Variants in FAM151B observed in about 807,000 individuals in gnomAD.
FAM151B encodes family with sequence similarity 151 member B.
Under a neutral mutation model 31.2 loss-of-function variants are expected in FAM151B, and 24 were observed. The ratio of observed to expected loss-of-function variants is 0.77; its 90% confidence interval spans 0.56 to 1.08. The LOEUF is 1.08. Among genes scored for constraint, FAM151B ranks in the 50% least tolerant of loss-of-function variants. The pLI is 0.00. For missense variants in FAM151B, 293 were observed against 328.6 expected (o/e 0.89, Z 0.84); for synonymous variants, 105 against 111.4 (o/e 0.94, Z 0.36).
intron 4 of FAM151B, among the ~76,000 whole-genome samples, chr5:80,520,804 T>C (rs1262749363): frequency 6.7e-6 from 1 of 149,014 alleles, no homozygotes; most frequent in Admixed American, 6.7e-5. Flanking sequence ...CAAGTGTGTT[T>C]TCCATGTGGT....
chr5:80,529,320 TAAAAG>T (rs1745117468), intron 5 of FAM151B, among the ~76,000 whole-genome samples: 1 of 151,930 alleles, frequency 6.6e-6, no homozygotes. Context: ...ACATCACAAT[TAAAAG>T]AACTAGAGAA....
intron 2 of FAM151B, among the ~76,000 whole-genome samples, chr5:80,504,437 A>T (rs1201727129): frequency 6.8e-6 from 1 of 147,512 alleles, no homozygotes; most frequent in Non-Finnish European, 1.5e-5. Flanking sequence ...GGGCCCAGAG[A>T]CTCCTCAACT....
intron 1 of FAM151B, 151 bp downstream of exon 1, chr5:80,488,299 C>T (rs2112589628): frequency 9.6e-7 from 1 of 1,036,538 alleles, no homozygotes; most frequent in East Asian, 3.0e-5. Flanking sequence ...TTGGAGCCCG[C>T]TCTGCACTCG....
intron 3 of FAM151B, among the ~76,000 whole-genome samples, chr5:80,514,229 C>G (rs964270434): frequency 5.0e-4 from 76 of 152,154 alleles, no homozygotes; most frequent in African/African-American, 1.6e-3. Flanking sequence ...AATTCCAGCA[C>G]TTTGGGAGGC....
At chr5:80,502,561 G>T (rs1438466213) in intron 2 of FAM151B, among the ~76,000 whole-genome samples, 1 of 152,158 alleles carries the variant, frequency 6.6e-6, no homozygotes, top group Admixed American at 6.5e-5. Context: ...ATCATTGTAT[G>T]TATATCCCTT....
intron 1 of FAM151B, among the ~76,000 whole-genome samples, chr5:80,496,667 A>C (rs1004576512): frequency 3.9e-5 from 6 of 152,164 alleles, no homozygotes. Flanking sequence ...TAACAGACAT[A>C]CCACACTAAT....
chr5:80,494,013 T>C (rs1002108650), intron 1 of FAM151B, among the ~76,000 whole-genome samples: 1 of 152,136 alleles, frequency 6.6e-6, no homozygotes, highest in Non-Finnish European at 1.5e-5. Flanking sequence ...AGCTGTAAAA[T>C]TTCTCTCTTT....
intron 1 of FAM151B, among the ~76,000 whole-genome samples, chr5:80,491,294 C>T (rs182910972): frequency 0.012 from 1,786 of 152,180 alleles, 26 homozygotes; most frequent in South Asian, 0.034. Context: ...TGGCTCACTG[C>T]AGCCTTGACC....
intron 1 of FAM151B, chr5:80,500,847 TTTGA>T (rs768966641): frequency 8.9e-6 from 10 of 1,127,650 alleles, no homozygotes; most frequent in Admixed American, 1.7e-5. Flanking sequence ...CAGATAACAC[TTTGA>T]TTGTTCCATC....
chr5:80,539,531 G>A (rs1332691855), intron 5 of FAM151B, among the ~76,000 whole-genome samples: 3 of 151,984 alleles, frequency 2.0e-5, no homozygotes, highest in Middle Eastern at 3.4e-3. Context: ...TTACTCTGTA[G>A]CCCAAGCTGG....
chr5:80,498,653 A>G (rs1407678706), intron 1 of FAM151B: 1 of 697,588 alleles, frequency 1.4e-6, no homozygotes, highest in East Asian at 2.8e-5. Flanking sequence ...AAAGGTGTCT[A>G]ATTTTGCCAT....
chr5:80,538,483 T>TTTG (rs1745684137), intron 5 of FAM151B, among the ~76,000 whole-genome samples: 1 of 101,022 alleles, frequency 9.9e-6, no homozygotes, highest in African/African-American at 4.1e-5. Context: ...TCTTTCTTTC[T>TTTG]TTCCTTCCTT....
chr5:80,521,467 C>T (rs908624634), intron 4 of FAM151B, among the ~76,000 whole-genome samples: 3 of 151,948 alleles, frequency 2.0e-5, no homozygotes, highest in Admixed American at 6.6e-5. Context: ...AAAATATATA[C>T]ATATATAGTC....
intron 3 of FAM151B, chr5:80,518,813 G>T (rs1157735351): frequency 6.6e-6 from 1 of 152,198 alleles, no homozygotes; most frequent in African/African-American, 2.4e-5. Flanking sequence ...AGCATAGACA[G>T]AAGTACTGCC....
intron 5 of FAM151B, among the ~76,000 whole-genome samples, chr5:80,536,021 C>T (rs1745488551): frequency 6.6e-6 from 1 of 152,076 alleles, no homozygotes; most frequent in Non-Finnish European, 1.5e-5. Flanking sequence ...AAATGCAAAT[C>T]AAAGCTACGA....
intron 4 of FAM151B, among the ~76,000 whole-genome samples, chr5:80,520,644 C>CAA (rs766500639): frequency 6.0e-5 from 4 of 67,066 alleles, no homozygotes; most frequent in Admixed American, 1.7e-4. Flanking sequence ...GACTCTGTCT[C>CAA]AAAAAAAAAA....
rs547385312 is a variant in FAM151B, at chr5:80,541,352, A to G, written c.672-321A>G. Among the ~76,000 whole-genome samples the G allele has an allele frequency of 2.1e-3, 313 of 152,288 alleles. 1 individual carries two copies. Among genetic ancestry groups the G allele is most frequent in the Admixed American group, 6.2e-3 (94 of 15,284 alleles). ...CCAGGTTACAGATTCCTCCATCAGCAACATAGTCTCTTCGATTCCTTTTTC... is the reference window on the plus strand; with the variant it reads ...CCAGGTTACAGATTCCTCCATCAGCGACATAGTCTCTTCGATTCCTTTTTC... On this transcript the variant is annotated intron_variant, in intron 5 of 5. Coordinates refer to ENST00000282226, the MANE Select transcript of FAM151B (RefSeq NM_205548.3).
chr5:80,501,226 G>C (rs1165526403), intron 1 of FAM151B: 2 of 349,556 alleles, frequency 5.7e-6, no homozygotes, highest in Non-Finnish European at 1.1e-5. Flanking sequence ...CACCATGTTG[G>C]CCAGGCTGCT....
chr5:80,490,007 A>AT lies in FAM151B; in HGVS notation c.25+1864dup, dbSNP rs576657848. ...TAACCAGATTCTTCCGTTATATGTC[A>AT]TTTTTCCCCCTTACACACACACACA... is the stretch of plus-strand genomic sequence containing the variant. On this transcript the variant is annotated intron_variant, in intron 1 of 5. Coordinates refer to ENST00000282226, the MANE Select transcript of FAM151B (RefSeq NM_205548.3). Among the ~76,000 whole-genome samples, 234 of 97,962 alleles carry AT rather than the reference A, an allele frequency of 2.4e-3. 2 individuals carry two copies. Among genetic ancestry groups the AT allele is most frequent in the African/African-American group, 7.8e-3 (223 of 28,440 alleles). The allele number at this position is 97,962 out of a possible 152,430, so 64.3% of individuals were successfully genotyped here. A position where few individuals can be genotyped will look rare whatever the true frequency, so the allele number is the denominator to read the frequency against.
Sources: gnomAD v4.1 joint callset for allele counts (sites outside exome capture counted in the v4.1 genomes callset) on GRCh38, gnomAD v4.1.1 for gene constraint, MANE v1.5 for transcripts, NCBI Gene and HGNC (gene_info 2026-07-23, HGNC 2026-07-21) for gene names.